Variants in EIF2AK3 observed in about 807,000 individuals in gnomAD.
The protein encoded by EIF2AK3 is eukaryotic translation initiation factor 2-alpha kinase 3.
Under a neutral mutation model 113.5 loss-of-function variants are expected in EIF2AK3, and 50 were observed. The observed-to-expected ratio is 0.44, with a 90% CI of 0.35 to 0.56. The LOEUF (loss-of-function observed/expected upper bound fraction) is 0.56. EIF2AK3 is among the 20% of genes least tolerant of loss of function. The probability of loss-of-function intolerance (pLI) is 0.00; values close to 1 mark genes in which losing one functional copy is unlikely to be tolerated. For missense variants in EIF2AK3, 1,185 were observed against 1,378.0 expected, an observed-to-expected ratio of 0.86 and a Z score of 2.22; for synonymous variants, 448 against 495.4, an observed-to-expected ratio of 0.90 and a Z score of 1.27.
At chr2:88,612,355 A>C (rs768563665) in intron 2 of EIF2AK3, among the ~76,000 whole-genome samples, 1 of 152,246 alleles carries the variant, frequency 6.6e-6, no homozygotes, top group Non-Finnish European at 1.5e-5. Flanking sequence ...AAAATAAAGT[A>C]AAACATGCAT....
At chr2:88,614,700 C>G (rs1019079502) in intron 1 of EIF2AK3, among the ~76,000 whole-genome samples, 1 of 152,136 alleles carries the variant, frequency 6.6e-6, no homozygotes, top group Non-Finnish European at 1.5e-5. Context: ...TTCACTACCA[C>G]CATGCCCTCA....
chr2:88,589,501 C>G (rs1674827696), intron 6 of EIF2AK3, among the ~76,000 whole-genome samples: 2 of 151,786 alleles, frequency 1.3e-5, no homozygotes, highest in African/African-American at 4.8e-5. Context: ...ATCAGTTGTA[C>G]AGATGCACTG....
At chr2:88,606,458 A>G (rs1675281735) in intron 2 of EIF2AK3, among the ~76,000 whole-genome samples, 1 of 152,324 alleles carries the variant, frequency 6.6e-6, no homozygotes, top group African/African-American at 2.4e-5. Context: ...TTTCATTTCT[A>G]TAATTAAAAG....
intron 2 of EIF2AK3, among the ~76,000 whole-genome samples, chr2:88,597,487 A>T (rs1317295675): frequency 1.3e-5 from 2 of 152,182 alleles, no homozygotes; most frequent in Non-Finnish European, 2.9e-5. Context: ...GGACATTCAA[A>T]GTCCTCTAAA....
chr2:88,562,647 G>A (rs1573382909), intron 14 of EIF2AK3, among the ~76,000 whole-genome samples: 1 of 152,106 alleles, frequency 6.6e-6, no homozygotes, highest in African/African-American at 2.4e-5. Context: ...CAGGCCCCTC[G>A]GAAACCTGGA....
chr2:88,615,533 T>A (rs1343461584), intron 1 of EIF2AK3, among the ~76,000 whole-genome samples: 1 of 152,164 alleles, frequency 6.6e-6, no homozygotes, highest in Non-Finnish European at 1.5e-5. Context: ...TAGGAGTGCT[T>A]CTGTGAAGAA....
chr2:88,576,747 A>G, intron 11 of EIF2AK3, 44 bp from the exon 12 acceptor site: 2 of 1,602,974 alleles, frequency 1.2e-6, no homozygotes, highest in Non-Finnish European at 1.7e-6. Context: ...TTCCAATTAC[A>G]CTGATTTGAT....
At chr2:88,573,112 T>A (rs1276219138) in intron 13 of EIF2AK3, among the ~76,000 whole-genome samples, 2 of 145,560 alleles carry the variant, frequency 1.4e-5, no homozygotes, top group African/African-American at 2.5e-5. Context: ...AATCTTGGCT[T>A]TTTTTTTTTT....
intron 2 of EIF2AK3, among the ~76,000 whole-genome samples, chr2:88,606,068 T>C (rs1196812774): frequency 1.3e-5 from 2 of 152,270 alleles, no homozygotes; most frequent in East Asian, 1.9e-4. Context: ...AAATGTAAAT[T>C]AGTACTCAAG....
upstream of EIF2AK3, chr2:88,627,672 CCCCGACGTCTTTTTA>C (rs1175541959): frequency 5.4e-6 from 1 of 185,584 alleles, no homozygotes; most frequent in Admixed American, 6.2e-5. Context: ...AAATGCCCTT[CCCCGACGTCTTTTTA>C]CCTGATTGGT....
At chr2:88,614,263 T>A (rs1404986426) in intron 1 of EIF2AK3, among the ~76,000 whole-genome samples, 2 of 152,162 alleles carry the variant, frequency 1.3e-5, no homozygotes, top group Non-Finnish European at 2.9e-5. Flanking sequence ...GCACAGATAA[T>A]TTTTTTCTCC....
At chr2:88,567,089 ATTTC>A (rs1231068208) in intron 14 of EIF2AK3, among the ~76,000 whole-genome samples, 1 of 152,220 alleles carries the variant, frequency 6.6e-6, no homozygotes, top group Middle Eastern at 3.2e-3. Context: ...TATCCATGAT[ATTTC>A]TTTGTGGCCT....
At chr2:88,619,117 G>A (rs1013319003) in intron 1 of EIF2AK3, among the ~76,000 whole-genome samples, 10 of 151,720 alleles carry the variant, frequency 6.6e-5, no homozygotes, top group Non-Finnish European at 1.0e-4. Context: ...AGCCTCCCAA[G>A]TAGCTGGGAT....
At chr2:88,595,219 A>C (rs1163108499) in intron 3 of EIF2AK3, among the ~76,000 whole-genome samples, 3 of 151,336 alleles carry the variant, frequency 2.0e-5, no homozygotes, top group Non-Finnish European at 3.0e-5. Flanking sequence ...AAAAAAAAAA[A>C]AAAAAAAAAA....
At chr2:88,565,465 T>C (rs2104392808) in intron 14 of EIF2AK3, among the ~76,000 whole-genome samples, 1 of 151,894 alleles carries the variant, frequency 6.6e-6, no homozygotes, top group African/African-American at 2.4e-5. Flanking sequence ...CTTCAGTCTC[T>C]CAAGTAGCTG....
intron 11 of EIF2AK3, 89 bp from the exon 12 acceptor site, chr2:88,576,792 T>G: frequency 7.2e-7 from 1 of 1,395,058 alleles, no homozygotes; most frequent in Non-Finnish European, 9.9e-7. Flanking sequence ...CCCTAAAATA[T>G]GTAGATGTAT....
chr2:88,599,821 T>C (rs533074896), intron 2 of EIF2AK3, among the ~76,000 whole-genome samples: 2 of 152,176 alleles, frequency 1.3e-5, no homozygotes, highest in Non-Finnish European at 2.9e-5. Flanking sequence ...AAAAATCAAC[T>C]GCCAAACTAA....
rs1307227382 is a variant in EIF2AK3 at position 88,556,894 on chromosome 2, CAT to C, written c.*840_*841del. Reference sequence around the variant, plus strand: ...ACATATTTACAGTGAAAAATAAAAACATGTTAGCAAGTGAGATGATTAAACTG... The same window carrying C: ...ACATATTTACAGTGAAAAATAAAAACGTTAGCAAGTGAGATGATTAAACTG... On this transcript the variant is annotated 3_prime_UTR_variant, in exon 17 of 17. Transcript: ENST00000303236. 1 of 152,040 alleles carries C rather than the reference CAT, an allele frequency of 6.6e-6. No individual in the cohort carries two copies. The highest frequency in any genetic ancestry group is 1.9e-4 in the East Asian group (1 of 5,200). The allele number at this position is 152,040 out of a possible 1,614,324, so 9.4% of individuals were successfully genotyped here. A position where few individuals can be genotyped will look rare whatever the true frequency, so the allele number is the denominator to read the frequency against.
In EIF2AK3 at chr2:88,593,392, C is replaced by T. The variant is rs1674933334; in HGVS notation, c.647G>A (p.Cys216Tyr). The T allele has an allele frequency of 1.2e-6, 2 of 1,613,834 alleles. No individual in the cohort carries two copies. Among genetic ancestry groups the T allele is most frequent in the South Asian group, 1.1e-5 (1 of 91,080 alleles). ...CCATTGGCGACAACCCAGAGCTGAA[C>T]AGATATACCTCACCTGAAAAGACAA... ...SAYSGKVRYI[C>Y]SALGCRQWDS... Residue 216 changes from cysteine to tyrosine, a missense_variant, in exon 4 of 17, where the codon TGT (cysteine) becomes TAT (tyrosine). Physicochemically the swap from Cys to Tyr is radical, Grantham distance 194 (BLOSUM62 -2). Transcript: ENST00000303236.
Sources: allele counts gnomAD v4.1 joint callset (sites outside exome capture counted in the v4.1 genomes callset), GRCh38; gene constraint gnomAD v4.1.1; transcripts MANE v1.5; gene names NCBI Gene and HGNC (gene_info 2026-07-23, HGNC 2026-07-21).